Variants in CTNNAL1 observed in about 807,000 individuals in gnomAD.
CTNNAL1 encodes the protein catenin alpha like 1.
A neutral mutation model predicts 93.6 loss-of-function variants in CTNNAL1; 69 were observed. That is an observed-to-expected ratio of 0.74 (90% CI 0.61 to 0.90). CTNNAL1 has a LOEUF of 0.90. CTNNAL1 is among the 40% of genes least tolerant of loss of function. The probability of loss-of-function intolerance (pLI) is 0.00; values close to 1 mark genes in which losing one functional copy is unlikely to be tolerated. For synonymous variants in CTNNAL1, 286 were observed against 305.4 expected, an observed-to-expected ratio of 0.94 and a Z score of 0.66; for missense variants, 836 against 862.0, an observed-to-expected ratio of 0.97 and a Z score of 0.38.
At chr9:109,006,420 C>T (rs902876753) in intron 1 of CTNNAL1, among the ~76,000 whole-genome samples, 3 of 152,138 alleles carry the variant, frequency 2.0e-5, no homozygotes, top group African/African-American at 7.2e-5. Context: ...TGCCCGAGGT[C>T]ACAAAGCCAG....
At chr9:108,999,383 T>C (rs961471915) in intron 1 of CTNNAL1, 127 bp from the exon 2 acceptor site, 11 of 863,610 alleles carry the variant, frequency 1.3e-5, no homozygotes, top group Non-Finnish European at 1.8e-5. Flanking sequence ...TAGTTAGAGA[T>C]GCTTCAACAG....
At chr9:109,000,887 G>T (rs564461825) in intron 1 of CTNNAL1, among the ~76,000 whole-genome samples, 8 of 152,110 alleles carry the variant, frequency 5.3e-5, no homozygotes, top group African/African-American at 1.9e-4. Context: ...TATTGGCTGG[G>T]TGCGGTGGCT....
chr9:108,964,286 T>C (rs1587955980), intron 11 of CTNNAL1, among the ~76,000 whole-genome samples: 1 of 152,272 alleles, frequency 6.6e-6, no homozygotes, highest in African/African-American at 2.4e-5. Flanking sequence ...CAAATTAACA[T>C]TTATCCTAAA....
chr9:108,996,213 C>T (rs71499682), intron 2 of CTNNAL1, among the ~76,000 whole-genome samples: 1 of 152,128 alleles, frequency 6.6e-6, no homozygotes, highest in Non-Finnish European at 1.5e-5. Context: ...ATCCACCCGC[C>T]TTGGCCTCCA....
At chr9:108,977,182 T>C (rs1831291468) in intron 7 of CTNNAL1, 134 bp from the exon 8 acceptor site, 1 of 433,568 alleles carries the variant, frequency 2.3e-6, no homozygotes, top group Non-Finnish European at 4.0e-6. Flanking sequence ...TTTCAAAATT[T>C]ACCTGTTTAA....
chr9:108,953,977 C>T (rs1357388236), intron 12 of CTNNAL1, among the ~76,000 whole-genome samples: 1 of 152,188 alleles, frequency 6.6e-6, no homozygotes, highest in Non-Finnish European at 1.5e-5. Context: ...AAGTAAGGAA[C>T]ACCCTCAAGG....
chr9:108,952,296 A>G lies in CTNNAL1; in HGVS notation c.1748T>C (p.Ile583Thr), dbSNP rs766684529. The change falls in exon 14 of 19, where the codon ATT becomes ACT. Residue 583 changes from isoleucine (I) to threonine (T), a missense_variant. Physicochemically the swap from Ile to Thr is moderately conservative, Grantham distance 89. Transcript: ENST00000325551. ...ATTCTCCTGATCTTCCCACTTCTCAATTTCGCAGTCAGCGTCAGAGGTGAG... is the reference window on the plus strand; with the variant it reads ...ATTCTCCTGATCTTCCCACTTCTCAGTTTCGCAGTCAGCGTCAGAGGTGAG... The part of the protein sequence containing the change: ...GLLTSDADCE[I>T]EKWEDQENEI... 1.8e-5 allele frequency: 29 copies of G among 1,614,198 alleles called. No homozygotes were observed. The highest frequency in any genetic ancestry group is 9.9e-5 in the South Asian group (9 of 91,086).
intron 1 of CTNNAL1, among the ~76,000 whole-genome samples, chr9:109,002,542 T>C (rs1473291994): frequency 6.6e-6 from 1 of 152,172 alleles, no homozygotes; most frequent in Non-Finnish European, 1.5e-5. Context: ...ACCGATGAAC[T>C]GGGAGATCTA....
intron 4 of CTNNAL1, among the ~76,000 whole-genome samples, chr9:108,986,698 T>C (rs1831619158): frequency 1.3e-5 from 2 of 152,014 alleles, no homozygotes; most frequent in African/African-American, 4.8e-5. Flanking sequence ...TGTTGTTTCC[T>C]GACTTTTTAA....
At chr9:108,986,761 C>T (rs1002327044) in intron 4 of CTNNAL1, among the ~76,000 whole-genome samples, 47 of 152,340 alleles carry the variant, frequency 3.1e-4, no homozygotes, top group African/African-American at 9.9e-4. Flanking sequence ...TTTTGATTTG[C>T]ATTTCTCTGA....
Position 108,977,041 on chromosome 9 carries a change from T to C in CTNNAL1, c.1109A>G (p.Lys370Arg), listed in dbSNP as rs1413280163. 3 of 1,516,450 alleles carry C rather than the reference T, an allele frequency of 2.0e-6. No homozygotes were observed. The highest frequency in any genetic ancestry group is 2.7e-6 in the Non-Finnish European group (3 of 1,129,528). 93.9% of individuals were successfully genotyped at this position (1,516,450 alleles called of 1,614,324 possible). A position where few individuals can be genotyped will look rare whatever the true frequency, so the allele number is the denominator to read the frequency against. ...LISVWIQAQS[K>R]KTKSIAEELE... ...TTCTTCAGCGATGCTTTTTGTTTTC[T>C]TGCTTTGCTAAAAATTTTAAAAAGT... Residue 370 changes from lysine to arginine, a missense_variant, in exon 8 of 19, where the codon AAG (lysine) becomes AGG (arginine). Physicochemically the swap from Lys to Arg is conservative, Grantham distance 26. Coordinates refer to ENST00000325551, the MANE Select transcript of CTNNAL1 (RefSeq NM_003798.4).
chr9:108,943,133 C>A, intron 17 of CTNNAL1, 89 bp from the exon 18 acceptor site: 1 of 1,196,138 alleles, frequency 8.4e-7, no homozygotes, highest in South Asian at 1.5e-5. Context: ...GATAAAATTT[C>A]TCCATATGGA....
intron 2 of CTNNAL1, among the ~76,000 whole-genome samples, chr9:108,998,439 T>G (rs547786265): frequency 6.6e-6 from 1 of 152,172 alleles, no homozygotes; most frequent in South Asian, 2.1e-4. Context: ...TACATATATA[T>G]TCATTTATGA....
chr9:108,955,506 CTTAT>C (rs1015363653), intron 12 of CTNNAL1, among the ~76,000 whole-genome samples: 3 of 152,132 alleles, frequency 2.0e-5, no homozygotes, highest in African/African-American at 4.8e-5. Flanking sequence ...TCAGATATGG[CTTAT>C]TTATTTATTT....
At chr9:108,972,107 T>C (rs1831130771) in intron 9 of CTNNAL1, among the ~76,000 whole-genome samples, 1 of 151,796 alleles carries the variant, frequency 6.6e-6, no homozygotes, top group Non-Finnish European at 1.5e-5. Context: ...CCCGGGAGGG[T>C]CACCTTGGGC....
intron 11 of CTNNAL1, among the ~76,000 whole-genome samples, chr9:108,958,063 C>CAAAAAAAAAAAAAAAAAAAAAAAA (rs11291554): frequency 4.7e-5 from 4 of 85,114 alleles, no homozygotes; most frequent in Non-Finnish European, 6.7e-5. Flanking sequence ...AAGACTGTCT[C>CAAAAAAAAAAAAAAAAAAAAAAAA]AAAAAAAAAA....
chr9:108,992,661 T>C lies in CTNNAL1; in HGVS notation c.490A>G (p.Ile164Val), dbSNP rs551599292. 1.9e-6 allele frequency: 3 copies of C among 1,613,326 alleles called. No individual in the cohort carries two copies. Among genetic ancestry groups the C allele is most frequent in the East Asian group, 2.2e-5 (1 of 44,850 alleles). Residue 164 changes from isoleucine (I) to valine (V), a missense_variant, in exon 3 of 19, where the codon ATT becomes GTT. Coordinates refer to ENST00000325551, the MANE Select transcript of CTNNAL1 (RefSeq NM_003798.4). ...KVLLLADRVV[I>V]KQIITSRNKV... Reference sequence around the variant, plus strand: ...TTTCTTGATGTTATTATCTGTTTAATGACTACTCGGTCTGCCAGCAACAAC... The same window carrying C: ...TTTCTTGATGTTATTATCTGTTTAACGACTACTCGGTCTGCCAGCAACAAC...
intron 7 of CTNNAL1, among the ~76,000 whole-genome samples, chr9:108,977,746 T>C (rs1056680115): frequency 1.9e-4 from 29 of 152,324 alleles, no homozygotes; most frequent in African/African-American, 4.8e-4. Context: ...AAATTAAATA[T>C]CACTACTTCA....
At position 108,955,776 on chromosome 9, in the gene CTNNAL1, ATTC is replaced by A. The variant is rs776767579; in HGVS notation, c.1629+11_1629+13del. On this transcript the variant is annotated intron_variant, in intron 12 of 18. Coordinates refer to ENST00000325551, the MANE Select transcript of CTNNAL1 (RefSeq NM_003798.4). ...ATAAAAACATTCTGCAATGTACATA[ATTC>A]TTCTACTTACCATTGGCTTTGGAAG... The A allele has an allele frequency of 6.9e-6, 11 of 1,598,418 alleles. No homozygotes were observed. The highest frequency in any genetic ancestry group is 1.7e-5 in the Admixed American group (1 of 58,440).
Sources: allele counts gnomAD v4.1 joint callset (sites outside exome capture counted in the v4.1 genomes callset), GRCh38; gene constraint gnomAD v4.1.1; transcripts MANE v1.5; gene names NCBI Gene and HGNC (gene_info 2026-07-23, HGNC 2026-07-21).